The following CA10 variants were observed in gnomAD, a reference collection of about 807,000 sequenced individuals.
The protein encoded by CA10 is carbonic anhydrase-related protein 10.
Under a neutral mutation model 44.2 loss-of-function variants are expected in CA10, and 14 were observed. That is an observed-to-expected ratio of 0.32 (90% CI 0.21 to 0.50). CA10 has a LOEUF of 0.50. Among genes scored for constraint, CA10 ranks in the 20% least tolerant of loss-of-function variants. The probability of loss-of-function intolerance (pLI) is 0.99; values close to 1 mark genes in which losing one functional copy is unlikely to be tolerated. For missense variants in CA10, 350 were observed against 409.7 expected (o/e 0.85, Z 1.26); for synonymous variants, 159 against 141.6 (o/e 1.12, Z -0.87).
intron 3 of CA10, among the ~76,000 whole-genome samples, chr17:51,753,679 A>G (rs1904971994): frequency 6.6e-6 from 1 of 152,122 alleles, no homozygotes; most frequent in Non-Finnish European, 1.5e-5. Flanking sequence ...GGCTAAACCC[A>G]TATGTGGAGG....
intron 2 of CA10, among the ~76,000 whole-genome samples, chr17:52,069,766 C>T (rs947453028): frequency 1.3e-5 from 2 of 152,152 alleles, no homozygotes; most frequent in Non-Finnish European, 1.5e-5. Flanking sequence ...TTATAGAGCT[C>T]ATATATTTTT....
rs1313550850 is a variant in CA10, at chr17:51,871,426, G to A, written c.279+59564C>T. On this transcript the variant is annotated intron_variant, in intron 3 of 8. Coordinates refer to ENST00000451037, the MANE Select transcript of CA10 (RefSeq NM_020178.5). Reference sequence around the variant, plus strand: ...TTTTTTTTTTTTTTTTTTTAGTAGAGACGGGGCTTCACCATGTTGGCCAGG... The same window carrying A: ...TTTTTTTTTTTTTTTTTTTAGTAGAAACGGGGCTTCACCATGTTGGCCAGG... Among the ~76,000 whole-genome samples the A allele has an allele frequency of 6.8e-5, 8 of 117,342 alleles. No homozygotes were observed. The South Asian group carries it at 2.2e-3, about 33-fold the overall frequency. 77.0% of individuals were successfully genotyped at this position (117,342 alleles called of 152,430 possible).
At chr17:51,963,017 T>C (rs1264701589) in intron 2 of CA10, among the ~76,000 whole-genome samples, 2 of 151,964 alleles carry the variant, frequency 1.3e-5, no homozygotes, top group Non-Finnish European at 2.9e-5. Context: ...TCAACACAAA[T>C]AAACTCCTAA....
chr17:51,780,336 A>G (rs1158689912), intron 3 of CA10, among the ~76,000 whole-genome samples: 1 of 152,132 alleles, frequency 6.6e-6, no homozygotes, highest in East Asian at 1.9e-4. Flanking sequence ...CAAGGTGGAG[A>G]GACTTGCTCA....
intron 2 of CA10, among the ~76,000 whole-genome samples, chr17:51,936,326 T>C (rs1982862950): frequency 6.6e-6 from 1 of 152,120 alleles, no homozygotes; most frequent in East Asian, 1.9e-4. Context: ...TGTAAAGTTT[T>C]TGGTAAGCAT....
rs138283920 is a variant in CA10, at chr17:51,716,351, G to C, written c.465+31282C>G. Among the ~76,000 whole-genome samples, 218 of 152,150 alleles carry C rather than the reference G, an allele frequency of 1.4e-3. 6 individuals carry two copies. The East Asian group carries it at 0.034, about 24-fold the overall frequency. On this transcript the variant is annotated intron_variant, in intron 4 of 8. Transcript: ENST00000451037. Reference sequence around the variant, plus strand: ...GGACGTGACTAATCTGAGGGAACTGGATCAGTATTTTTGGGAGAAGCACAC... The same window carrying C: ...GGACGTGACTAATCTGAGGGAACTGCATCAGTATTTTTGGGAGAAGCACAC...
At chr17:51,955,394 C>T (rs777609535) in intron 2 of CA10, among the ~76,000 whole-genome samples, 3 of 152,102 alleles carry the variant, frequency 2.0e-5, no homozygotes, top group Non-Finnish European at 2.9e-5. Context: ...AAGCCAGGTG[C>T]TTTTTGGAAA....
chr17:51,819,416 T>C (rs1907681304), intron 3 of CA10, among the ~76,000 whole-genome samples: 1 of 152,102 alleles, frequency 6.6e-6, no homozygotes, highest in Admixed American at 6.5e-5. Flanking sequence ...CTATGAGATG[T>C]CTTGAAGCAT....
chr17:51,708,092 C>A (rs1342769532), intron 4 of CA10, among the ~76,000 whole-genome samples: 1 of 152,224 alleles, frequency 6.6e-6, no homozygotes, highest in Non-Finnish European at 1.5e-5. Context: ...TCAGTGATTA[C>A]AAGTGGGCTC....
In CA10 at chr17:51,931,096, T is replaced by C; in HGVS notation, c.173A>G (p.Asn58Ser). 6.2e-7 allele frequency: 1 copy of C among 1,613,540 alleles called. No homozygotes were observed. Among genetic ancestry groups the C allele is most frequent in the Non-Finnish European group, 8.5e-7 (1 of 1,179,656 alleles). Residue 58 changes from asparagine to serine, a missense_variant, in exon 3 of 9, where the codon AAT becomes AGT. Asn to Ser is a conservative substitution (Grantham distance 46). Coordinates refer to ENST00000451037, the MANE Select transcript of CA10 (RefSeq NM_020178.5). Reference protein sequence around the residue: ...SFWGLVNSAWNLCSVGKRQSP... With the variant: ...SFWGLVNSAWSLCSVGKRQSP... ...CTGCCGTTTCCCCACAGAGCAAAGA[T>C]TCCAAGCTGAGTTCACCAATCCCCA...
intron 2 of CA10, among the ~76,000 whole-genome samples, chr17:51,982,129 C>T (rs998864183): frequency 3.3e-5 from 5 of 152,112 alleles, no homozygotes; most frequent in Non-Finnish European, 4.4e-5. Context: ...CCTCTTCAAA[C>T]ATTTAGAACT....
chr17:51,951,898 C>G (rs183205097), intron 2 of CA10, among the ~76,000 whole-genome samples: 1 of 152,286 alleles, frequency 6.6e-6, no homozygotes, highest in African/African-American at 2.4e-5. Flanking sequence ...CACACAATAA[C>G]TTCTATGTGC....
At chr17:51,968,680 T>C (rs557116067) in intron 2 of CA10, among the ~76,000 whole-genome samples, 2 of 151,996 alleles carry the variant, frequency 1.3e-5, no homozygotes, top group Non-Finnish European at 2.9e-5. Context: ...CTCAGAACTA[T>C]ACACCACAAA....
intron 4 of CA10, among the ~76,000 whole-genome samples, chr17:51,662,731 T>C (rs1914052845): frequency 6.6e-6 from 1 of 152,234 alleles, no homozygotes; most frequent in Non-Finnish European, 1.5e-5. Flanking sequence ...TTTTCTGCAT[T>C]GTAGGCTATG....
chr17:51,758,062 C>G (rs928860447), intron 3 of CA10, among the ~76,000 whole-genome samples: 8 of 152,116 alleles, frequency 5.3e-5, no homozygotes, highest in African/African-American at 1.9e-4. Context: ...ACCCACTACT[C>G]TTAACCCTGC....
intron 4 of CA10, among the ~76,000 whole-genome samples, chr17:51,667,129 G>T (rs550911985): frequency 2.6e-5 from 4 of 152,320 alleles, no homozygotes; most frequent in African/African-American, 9.6e-5. Flanking sequence ...AGGACAATGA[G>T]ATCTGTTTTA....
At chr17:51,880,242 T>C (rs2143884294) in intron 3 of CA10, among the ~76,000 whole-genome samples, 1 of 152,304 alleles carries the variant, frequency 6.6e-6, no homozygotes, top group Non-Finnish European at 1.5e-5. Flanking sequence ...CCCTGGTATG[T>C]CCCCGTGTGG....
chr17:52,016,402 T>A (rs1265311652), intron 2 of CA10, among the ~76,000 whole-genome samples: 1 of 152,122 alleles, frequency 6.6e-6, no homozygotes, highest in Non-Finnish European at 1.5e-5. Flanking sequence ...CAATCACCAC[T>A]CGGTAAATGT....
intron 4 of CA10, among the ~76,000 whole-genome samples, chr17:51,670,637 A>G (rs1273472528): frequency 2.6e-5 from 4 of 152,002 alleles, no homozygotes; most frequent in Non-Finnish European, 5.9e-5. Flanking sequence ...TAGCATCCAT[A>G]CTTCCCCAAG....
Sources: gnomAD v4.1 joint callset for allele counts (sites outside exome capture counted in the v4.1 genomes callset) on GRCh38, gnomAD v4.1.1 for gene constraint, MANE v1.5 for transcripts, NCBI Gene and HGNC (gene_info 2026-07-23, HGNC 2026-07-21) for gene names.